SNX4: variants seen among roughly 807,000 people sequenced by gnomAD.
SNX4 encodes the protein sorting nexin-4.
SNX4 carries 49 observed loss-of-function variants against 70.8 expected under a neutral mutation model. The observed-to-expected ratio is 0.69, with a 90% CI of 0.55 to 0.88. The LOEUF (loss-of-function observed/expected upper bound fraction) is 0.88. Ranked by LOEUF, SNX4 falls within the 40% of genes least tolerant of loss-of-function variation. The pLI, the probability that SNX4 is intolerant of heterozygous loss-of-function variation, is 0.00. For missense variants in SNX4, 528 were observed against 544.8 expected (o/e 0.97, Z 0.31); for synonymous variants, 206 against 183.8 (o/e 1.12, Z -0.98).
intron 9 of SNX4, 25 bp from the exon 10 acceptor site, chr3:125,460,885 T>A (rs893236293): frequency 4.1e-6 from 4 of 981,628 alleles, no homozygotes; most frequent in Non-Finnish European, 5.9e-6. Context: ...AAAACACACA[T>A]TGCATAGAGT....
chr3:125,473,850 T>C (rs1014169206), intron 8 of SNX4, among the ~76,000 whole-genome samples: 18 of 152,366 alleles, frequency 1.2e-4, no homozygotes, highest in Non-Finnish European at 1.6e-4. Context: ...GAGTCTCTTG[T>C]AGACTTGCTC....
chr3:125,484,358 G>C (rs1242305550), intron 6 of SNX4, among the ~76,000 whole-genome samples: 1 of 152,166 alleles, frequency 6.6e-6, no homozygotes, highest in Non-Finnish European at 1.5e-5. Context: ...GAGTTCAAGT[G>C]ATTCTCCCAT....
chr3:125,486,262 A>G (rs9848399), intron 6 of SNX4, among the ~76,000 whole-genome samples: 18,732 of 152,238 alleles, frequency 0.12, 1,219 homozygotes, highest in South Asian at 0.16. Context: ...CCTGATATTT[A>G]GAAGCTCGAG....
chr3:125,510,624 T>C (rs1580011115), intron 1 of SNX4, among the ~76,000 whole-genome samples: 1 of 152,220 alleles, frequency 6.6e-6, no homozygotes, highest in Non-Finnish European at 1.5e-5. Flanking sequence ...AACATGGATA[T>C]ATATATCTTA....
rs573903585 is a variant in SNX4 at position 125,516,009 on chromosome 3, C to T, written c.141+4023G>A. Among the ~76,000 whole-genome samples the T allele has an allele frequency of 7.6e-4, 115 of 152,278 alleles. 1 individual carries two copies. Among genetic ancestry groups the T allele is most frequent in the Middle Eastern group, 3.4e-3 (1 of 294 alleles). ...ACCAACAGAATGCCTCAAACCTTACCGACAATCTGGTCTACTCCATTTAGT... is the reference window on the plus strand; with the variant it reads ...ACCAACAGAATGCCTCAAACCTTACTGACAATCTGGTCTACTCCATTTAGT... On this transcript the variant is annotated intron_variant, in intron 1 of 13. Coordinates refer to ENST00000251775, the MANE Select transcript of SNX4 (RefSeq NM_003794.4).
chr3:125,476,265 CAAAAAAAAAAAA>C (rs749425097), intron 8 of SNX4, among the ~76,000 whole-genome samples: 1 of 46,826 alleles, frequency 2.1e-5, no homozygotes, highest in Non-Finnish European at 4.4e-5. Flanking sequence ...GACTCCATCT[CAAAAAAAAAAAA>C]AAAAAAAAAA....
intron 6 of SNX4, among the ~76,000 whole-genome samples, chr3:125,484,861 T>G (rs1176806306): frequency 1.3e-4 from 20 of 151,464 alleles, no homozygotes; most frequent in Admixed American, 1.2e-3. Flanking sequence ...AAGTCAGGAG[T>G]GCGAGACCAG....
At chr3:125,499,797 G>A (rs111719589) in intron 2 of SNX4, among the ~76,000 whole-genome samples, 4 of 151,210 alleles carry the variant, frequency 2.6e-5, no homozygotes, top group South Asian at 2.1e-4. Flanking sequence ...GGTTGGATGC[G>A]GTGGCTCACG....
At chr3:125,448,652 A>C (rs967705169) in intron 13 of SNX4, among the ~76,000 whole-genome samples, 8 of 150,858 alleles carry the variant, frequency 5.3e-5, no homozygotes, top group African/African-American at 1.9e-4. Flanking sequence ...GTAACAGTAA[A>C]ACTTAAGGGT....
chr3:125,492,912 A>G (rs1170404077), intron 5 of SNX4, among the ~76,000 whole-genome samples: 1 of 152,174 alleles, frequency 6.6e-6, no homozygotes, highest in African/African-American at 2.4e-5. Flanking sequence ...AGGAAGAGGC[A>G]GGGTCCAGGG....
At chr3:125,465,959 T>C (rs1370216679) in intron 9 of SNX4, among the ~76,000 whole-genome samples, 1 of 152,064 alleles carries the variant, frequency 6.6e-6, no homozygotes, top group Non-Finnish European at 1.5e-5. Flanking sequence ...AACTTTAGAA[T>C]TAGCAATTTG....
intron 7 of SNX4, among the ~76,000 whole-genome samples, chr3:125,478,060 C>CTTA (rs762057749): frequency 0.061 from 9,109 of 149,140 alleles, 383 homozygotes; most frequent in Non-Finnish European, 0.089. Context: ...TCTTCTTCTT[C>CTTA]TTATTATTAT....
In SNX4 at chr3:125,495,275, T is replaced by TATATATAC; in HGVS notation, c.597+2065_597+2066insGTATATAT. On this transcript the variant is annotated intron_variant, in intron 5 of 13. Transcript: ENST00000251775. ...TTATATATATATATATATATATATA[T>TATATATAC]ATACACATACACACACACACACGTA... Among the ~76,000 whole-genome samples the TATATATAC allele has an allele frequency of 2.1e-3, 171 of 83,060 alleles. 9 individuals are homozygous for TATATATAC. The highest frequency in any genetic ancestry group is 4.7e-3 in the African/African-American group (131 of 27,590). 54.5% of individuals were successfully genotyped at this position (83,060 alleles called of 152,430 possible).
At chr3:125,485,651 T>C (rs779132760) in intron 6 of SNX4, among the ~76,000 whole-genome samples, 5 of 152,184 alleles carry the variant, frequency 3.3e-5, no homozygotes, top group Non-Finnish European at 5.9e-5. Context: ...CTAGCTATTA[T>C]ACTGAAAATA....
chr3:125,466,516 A>T (rs1288664524), intron 9 of SNX4, among the ~76,000 whole-genome samples: 1 of 152,236 alleles, frequency 6.6e-6, no homozygotes, highest in Non-Finnish European at 1.5e-5. Flanking sequence ...GAGTAAACAG[A>T]TAACTTACGA....
At chr3:125,468,452 G>A (rs1934085998) in intron 9 of SNX4, among the ~76,000 whole-genome samples, 1 of 145,210 alleles carries the variant, frequency 6.9e-6, no homozygotes, top group South Asian at 2.2e-4. Flanking sequence ...GCTAATCCCA[G>A]CACTTTGGGA....
intron 2 of SNX4, among the ~76,000 whole-genome samples, chr3:125,501,603 G>C (rs1399898919): frequency 6.6e-6 from 1 of 150,378 alleles, no homozygotes; most frequent in South Asian, 2.1e-4. Flanking sequence ...CTGGGTGACA[G>C]AGCGAGACTC....
chr3:125,495,031 C>T (rs1247714706), intron 5 of SNX4, among the ~76,000 whole-genome samples: 3 of 151,832 alleles, frequency 2.0e-5, no homozygotes, highest in African/African-American at 7.3e-5. Context: ...ACCTAAAAAA[C>T]AGCAAAATTT....
intron 10 of SNX4, among the ~76,000 whole-genome samples, chr3:125,459,088 C>G (rs1053529267): frequency 2.6e-5 from 4 of 152,132 alleles, no homozygotes; most frequent in East Asian, 1.9e-4. Context: ...GCAGGAGAAT[C>G]ACTTGTACCC....
Sources: allele counts gnomAD v4.1 joint callset (sites outside exome capture counted in the v4.1 genomes callset), GRCh38; gene constraint gnomAD v4.1.1; transcripts MANE v1.5; gene names NCBI Gene and HGNC (gene_info 2026-07-23, HGNC 2026-07-21).